The following PCDH15 variants were observed in gnomAD, a reference collection of about 807,000 sequenced individuals.
PCDH15 encodes the protein protocadherin-15.
In PCDH15, 129 loss-of-function variants were observed where a neutral mutation model predicts 178.5. That is an observed-to-expected ratio of 0.72 (90% confidence interval 0.63 to 0.84). The LOEUF is 0.84. PCDH15 is among the 40% of genes least tolerant of loss of function. The pLI is 0.00. For synonymous variants in PCDH15, 800 were observed against 732.0 expected, an observed-to-expected ratio of 1.09 and a Z score of -1.50; for missense variants, 2,230 against 2,099.9, an observed-to-expected ratio of 1.06 and a Z score of -1.21.
chr10:55,590,899 T>C (rs934220321), intron 2 of PCDH15, among the ~76,000 whole-genome samples: 3 of 152,192 alleles, frequency 2.0e-5, no homozygotes, highest in Non-Finnish European at 2.9e-5. Flanking sequence ...ACTCATTTCC[T>C]AAGAAATAAG....
Position 55,556,810 on chromosome 10 carries a change from T to C in PCDH15, c.-156+70815A>G, listed in dbSNP as rs188918193. 6.0e-4 allele frequency among the ~76,000 whole-genome samples: 92 copies of C among 152,282 alleles called. 1 individual carries two copies. Among genetic ancestry groups the C allele is most frequent in the Non-Finnish European group, 1.2e-3 (79 of 68,014 alleles). On this transcript the variant is annotated intron_variant, in intron 2 of 5. Transcript: ENST00000613346. ...GAGCCTAGATCGCACCACTGTACTC[T>C]ATCGTGGGAGACTGTGTCTCAAAAA...
intron 2 of PCDH15, among the ~76,000 whole-genome samples, chr10:54,960,880 T>C (rs1241692509): frequency 6.6e-6 from 1 of 152,132 alleles, no homozygotes; most frequent in Non-Finnish European, 1.5e-5. Flanking sequence ...TATTCCAGAA[T>C]AACAGATTCT....
At chr10:54,189,934 T>TGTGTG (rs1182151935) in intron 11 of PCDH15, among the ~76,000 whole-genome samples, 1 of 149,542 alleles carries the variant, frequency 6.7e-6, no homozygotes, top group Non-Finnish European at 1.5e-5. Flanking sequence ...TATGTGTGTG[T>TGTGTG]GTGTGTGTGT....
chr10:55,557,335 C>T (rs978303841), intron 2 of PCDH15, among the ~76,000 whole-genome samples: 18 of 152,168 alleles, frequency 1.2e-4, no homozygotes, highest in Admixed American at 1.1e-3. Flanking sequence ...AGATTATTCA[C>T]TAATTTTTAC....
At chr10:55,244,065 TA>T (rs1437746715) in intron 1 of PCDH15, among the ~76,000 whole-genome samples, 1 of 152,106 alleles carries the variant, frequency 6.6e-6, no homozygotes, top group Non-Finnish European at 1.5e-5. Context: ...ATCTTCAAAA[TA>T]AGAATATTCT....
rs2093805065 is a variant in PCDH15, at chr10:54,634,838, C to T, written c.91+29334G>A. On this transcript the variant is annotated intron_variant, in intron 2 of 37. Coordinates refer to ENST00000644397, the MANE Select transcript of PCDH15 (RefSeq NM_001384140.1). ...AAACTGCTGCTTATTCTTATCCATG[C>T]TCCTAAAATGCCTTATAATATCTGC... 2.0e-5 allele frequency among the ~76,000 whole-genome samples: 3 copies of T among 151,936 alleles called. No homozygotes were observed. The South Asian group carries it at 6.2e-4, about 31-fold the overall frequency.
At chr10:54,794,841 T>C (rs1325372032) in intron 1 of PCDH15, among the ~76,000 whole-genome samples, 1 of 151,886 alleles carries the variant, frequency 6.6e-6, no homozygotes, top group Non-Finnish European at 1.5e-5. Flanking sequence ...CATTCCTAGA[T>C]TGCTTTTTTT....
At chr10:53,916,932 C>G (rs1235969542) in intron 25 of PCDH15, among the ~76,000 whole-genome samples, 2 of 78,496 alleles carry the variant, frequency 2.5e-5, no homozygotes, top group South Asian at 1.3e-3. Flanking sequence ...TTACTAATAC[C>G]AGAAGGAAAA....
chr10:55,434,360 C>A (rs180899614), intron 2 of PCDH15, among the ~76,000 whole-genome samples: 92 of 151,800 alleles, frequency 6.1e-4, no homozygotes, highest in African/African-American at 2.1e-3. Context: ...CCGGCCAATT[C>A]TCCGCTTTTT....
intron 2 of PCDH15, among the ~76,000 whole-genome samples, chr10:55,475,661 G>T (rs1459289920): frequency 6.6e-6 from 1 of 152,108 alleles, no homozygotes; most frequent in East Asian, 1.9e-4. Context: ...AAAGGTGTAA[G>T]TGAAGGATAA....
At chr10:55,412,373 G>T (rs1243544148) in intron 2 of PCDH15, among the ~76,000 whole-genome samples, 1 of 151,910 alleles carries the variant, frequency 6.6e-6, no homozygotes, top group Non-Finnish European at 1.5e-5. Context: ...GTAGGTCTAG[G>T]TAAGTTAACA....
chr10:54,553,206 T>C (rs1277932310), intron 2 of PCDH15, among the ~76,000 whole-genome samples: 2 of 152,170 alleles, frequency 1.3e-5, no homozygotes, highest in African/African-American at 4.8e-5. Flanking sequence ...TGGTGATATA[T>C]TGAGGAGAGC....
intron 2 of PCDH15, among the ~76,000 whole-genome samples, chr10:55,497,096 A>T (rs555634563): frequency 6.6e-6 from 1 of 151,900 alleles, no homozygotes; most frequent in South Asian, 2.1e-4. Context: ...GAAAAAATTA[A>T]AGGAGGTAAT....
intron 2 of PCDH15, among the ~76,000 whole-genome samples, chr10:55,352,772 C>T (rs1253748810): frequency 2.0e-5 from 3 of 151,958 alleles, no homozygotes; most frequent in African/African-American, 7.2e-5. Flanking sequence ...CCGGTGATGA[C>T]CAGCTGAGTG....
chr10:55,547,908 T>TGA (rs1297847854), intron 2 of PCDH15, among the ~76,000 whole-genome samples: 19 of 35,282 alleles, frequency 5.4e-4, no homozygotes, highest in African/African-American at 3.8e-4. Flanking sequence ...TGTGTGTGTG[T>TGA]GTGAGAGAGA....
chr10:54,957,723 C>T (rs149457182), intron 2 of PCDH15, among the ~76,000 whole-genome samples: 112 of 151,662 alleles, frequency 7.4e-4, no homozygotes, highest in East Asian at 3.9e-3. Flanking sequence ...ACATCTCCAA[C>T]GTATCCAATT....
At chr10:54,138,841 A>T (rs2043120832) in intron 14 of PCDH15, among the ~76,000 whole-genome samples, 1 of 152,150 alleles carries the variant, frequency 6.6e-6, no homozygotes, top group Admixed American at 6.5e-5. Context: ...TTGAGGTAAA[A>T]TAGATTGGAT....
intron 1 of PCDH15, among the ~76,000 whole-genome samples, chr10:54,697,536 C>T (rs984769637): frequency 2.4e-4 from 29 of 121,488 alleles, no homozygotes; most frequent in African/African-American, 6.7e-4. Flanking sequence ...TATATATATA[C>T]CTCTTTACAT....
chr10:54,578,293 G>C lies in PCDH15; in HGVS notation c.92-50416C>G, dbSNP rs562242072. On this transcript the variant is annotated intron_variant, in intron 2 of 37. Transcript: ENST00000644397. ...TCTTTCTTCTGATTAATGTGGCATT[G>C]TCCATCATTTTTATAAATATGAGTC... Among the ~76,000 whole-genome samples the C allele has an allele frequency of 3.3e-5, 5 of 152,114 alleles. No homozygotes were observed. The South Asian group carries it at 1.0e-3, about 32-fold the overall frequency.
Sources: gnomAD v4.1 joint callset for allele counts (sites outside exome capture counted in the v4.1 genomes callset) on GRCh38, gnomAD v4.1.1 for gene constraint, MANE v1.5 for transcripts, NCBI Gene and HGNC (gene_info 2026-07-23, HGNC 2026-07-21) for gene names.